Variants in ARL15 observed in about 807,000 individuals in gnomAD.
ARL15 encodes ADP-ribosylation factor-like protein 15.
Under a neutral mutation model 25.2 loss-of-function variants are expected in ARL15, and 19 were observed. The ratio of observed to expected loss-of-function variants is 0.75; its 90% CI spans 0.53 to 1.10. The LOEUF is 1.10. ARL15 is among the 50% of genes least tolerant of loss of function. ARL15 has a pLI of 0.00. For synonymous variants in ARL15, 94 were observed against 86.8 expected (o/e 1.08, Z -0.46); for missense variants, 220 against 246.0 (o/e 0.89, Z 0.71).
intron 4 of ARL15, among the ~76,000 whole-genome samples, chr5:53,965,971 GA>G (rs972752261): frequency 1.3e-5 from 2 of 152,148 alleles, no homozygotes; most frequent in African/African-American, 4.8e-5. Flanking sequence ...GTGATATTGT[GA>G]AATATATATT....
At chr5:53,903,610 C>A (rs1332994602) in intron 4 of ARL15, among the ~76,000 whole-genome samples, 2 of 152,202 alleles carry the variant, frequency 1.3e-5, no homozygotes, top group African/African-American at 4.8e-5. Flanking sequence ...ATGATTCAAT[C>A]CACAGTTTAG....
chr5:54,243,740 T>C (rs1479978543), intron 1 of ARL15, among the ~76,000 whole-genome samples: 2 of 152,206 alleles, frequency 1.3e-5, no homozygotes, highest in Non-Finnish European at 2.9e-5. Flanking sequence ...AGAAAACAAA[T>C]TTTGTGTGTA....
intron 1 of ARL15, among the ~76,000 whole-genome samples, chr5:54,188,010 C>T (rs1755287344): frequency 6.6e-6 from 1 of 152,072 alleles, no homozygotes; most frequent in South Asian, 2.1e-4. Flanking sequence ...TAAATAAAAA[C>T]ATTCTGGTTT....
At chr5:53,978,844 T>C (rs1484342434) in intron 4 of ARL15, among the ~76,000 whole-genome samples, 2 of 152,212 alleles carry the variant, frequency 1.3e-5, no homozygotes, top group East Asian at 3.9e-4. Flanking sequence ...GTTAAGTTTC[T>C]ATACTTTTCA....
At position 53,952,302 on chromosome 5, in the gene ARL15, A is replaced by G. The variant is rs1176037454; in HGVS notation, c.463-65589T>C. On this transcript the variant is annotated intron_variant, in intron 4 of 4. Coordinates refer to ENST00000504924, the MANE Select transcript of ARL15 (RefSeq NM_019087.3). ...CAAACAAAAAAGAAGAGAGTGAAAG[A>G]ATTTGAGTCCTTGCACAGACAATAA... Among the ~76,000 whole-genome samples the G allele has an allele frequency of 2.0e-5, 3 of 152,120 alleles. No individual in the cohort carries two copies. In the East Asian group the frequency reaches 5.8e-4, roughly 29 times the overall value.
intron 4 of ARL15, among the ~76,000 whole-genome samples, chr5:54,078,070 G>A (rs1751668760): frequency 6.6e-6 from 1 of 152,138 alleles, no homozygotes; most frequent in Non-Finnish European, 1.5e-5. Context: ...TAAAGGAACT[G>A]TCCCCACAAG....
chr5:54,175,584 C>A (rs1754844637), intron 1 of ARL15, among the ~76,000 whole-genome samples: 1 of 152,008 alleles, frequency 6.6e-6, no homozygotes, highest in Admixed American at 6.6e-5. Flanking sequence ...ATCCACTCAC[C>A]TCAGCCTCCC....
rs551418292 is a variant in ARL15, at chr5:54,226,941, A to ATGGTCT, written c.49-55019_49-55014dup. On this transcript the variant is annotated intron_variant, in intron 1 of 4. Transcript: ENST00000504924. ...TAGTGAATAAGTCTCATGAGATCTGATGGTCTTATAAGGGATTTCCCCTTT... is the reference window on the plus strand; with the variant it reads ...TAGTGAATAAGTCTCATGAGATCTGATGGTCTTGGTCTTATAAGGGATTTCCCCTTT... Among the ~76,000 whole-genome samples the ATGGTCT allele has an allele frequency of 9.0e-3, 1,366 of 152,172 alleles. 7 individuals are homozygous for ATGGTCT. Among genetic ancestry groups the ATGGTCT allele is most frequent in the Non-Finnish European group, 0.015 (1,002 of 68,006 alleles).
intron 4 of ARL15, among the ~76,000 whole-genome samples, chr5:54,020,458 G>A (rs1217278692): frequency 6.6e-6 from 1 of 152,168 alleles, no homozygotes; most frequent in East Asian, 1.9e-4. Context: ...CCCACCAGAT[G>A]CCAACAAAGA....
At chr5:54,159,447 T>C (rs1162382855) in intron 2 of ARL15, among the ~76,000 whole-genome samples, 1 of 152,222 alleles carries the variant, frequency 6.6e-6, no homozygotes, top group Non-Finnish European at 1.5e-5. Context: ...ATTTTTGTCT[T>C]GCCTTGGCCT....
intron 4 of ARL15, among the ~76,000 whole-genome samples, chr5:54,086,894 T>C (rs1174860190): frequency 6.6e-6 from 1 of 152,198 alleles, no homozygotes; most frequent in Non-Finnish European, 1.5e-5. Context: ...TGAAGCCACA[T>C]GGGAGAGACG....
intron 1 of ARL15, among the ~76,000 whole-genome samples, chr5:54,231,501 C>T (rs1756670720): frequency 6.6e-6 from 1 of 152,156 alleles, no homozygotes; most frequent in Non-Finnish European, 1.5e-5. Flanking sequence ...CTCACCAAAA[C>T]CCTCAAAATA....
At chr5:53,956,696 A>C (rs917802588) in intron 4 of ARL15, among the ~76,000 whole-genome samples, 1 of 152,002 alleles carries the variant, frequency 6.6e-6, no homozygotes, top group African/African-American at 2.4e-5. Flanking sequence ...AAAAGGAACC[A>C]AATAGAAAAT....
chr5:54,304,738 C>T (rs753141279), intron 1 of ARL15, among the ~76,000 whole-genome samples: 3 of 152,134 alleles, frequency 2.0e-5, no homozygotes, highest in Non-Finnish European at 4.4e-5. Context: ...CTAATCCACT[C>T]GACATTTAGA....
chr5:54,264,953 T>C (rs1008270437), intron 1 of ARL15, among the ~76,000 whole-genome samples: 1 of 152,218 alleles, frequency 6.6e-6, no homozygotes, highest in Non-Finnish European at 1.5e-5. Context: ...ATGTAAACTC[T>C]ACAAGGGGAG....
rs147866014 is a variant in ARL15 at position 54,137,676 on chromosome 5, ATT to A, written c.253+16902_253+16903del. Among the ~76,000 whole-genome samples, 674 of 152,248 alleles carry A rather than the reference ATT, an allele frequency of 4.4e-3. 4 individuals are homozygous for A. Among genetic ancestry groups the A allele is most frequent in the African/African-American group, 0.016 (646 of 41,536 alleles). ...TAGATTTCCTTATCTTGTAACCATCATTTCTTTGTTCTTTTGTTCCTTGTTCA... is the reference window on the plus strand; with the variant it reads ...TAGATTTCCTTATCTTGTAACCATCATCTTTGTTCTTTTGTTCCTTGTTCA... On this transcript the variant is annotated intron_variant, in intron 3 of 4. Coordinates refer to ENST00000504924, the MANE Select transcript of ARL15 (RefSeq NM_019087.3).
At chr5:54,126,537 T>C (rs577709026) in intron 3 of ARL15, among the ~76,000 whole-genome samples, 43 of 152,242 alleles carry the variant, frequency 2.8e-4, no homozygotes, top group Non-Finnish European at 5.3e-4. Context: ...TTCTCTGCTA[T>C]GATTTGAATG....
intron 4 of ARL15, among the ~76,000 whole-genome samples, chr5:53,979,610 A>G (rs1418163259): frequency 1.3e-5 from 2 of 152,072 alleles, no homozygotes; most frequent in African/African-American, 4.8e-5. Flanking sequence ...TTTAATCCCT[A>G]TTTTTAGCAG....
At chr5:54,118,602 G>A (rs572686410) in intron 3 of ARL15, among the ~76,000 whole-genome samples, 3 of 152,094 alleles carry the variant, frequency 2.0e-5, no homozygotes, top group East Asian at 3.9e-4. Flanking sequence ...AGTTTCTAGC[G>A]GGAATAAAAG....
Sources: allele counts gnomAD v4.1 joint callset (sites outside exome capture counted in the v4.1 genomes callset), GRCh38; gene constraint gnomAD v4.1.1; transcripts MANE v1.5; gene names NCBI Gene and HGNC (gene_info 2026-07-23, HGNC 2026-07-21).